Variants in ALK observed in about 807,000 individuals in gnomAD.
The protein encoded by ALK is ALK receptor tyrosine kinase.
ALK carries 74 observed loss-of-function variants against 163.1 expected under a neutral mutation model. That is an observed-to-expected ratio of 0.45 (90% CI 0.38 to 0.55). The LOEUF is 0.55. Ranked by LOEUF, ALK falls within the 20% of genes least tolerant of loss-of-function variation. ALK has a pLI of 0.00. For synonymous variants in ALK, 960 were observed against 843.2 expected, an observed-to-expected ratio of 1.14 and a Z score of -2.40; for missense variants, 2,063 against 2,105.3, an observed-to-expected ratio of 0.98 and a Z score of 0.39.
intron 3 of ALK, among the ~76,000 whole-genome samples, chr2:29,588,277 G>A (rs986955964): frequency 6.6e-6 from 1 of 151,880 alleles, no homozygotes; most frequent in Non-Finnish European, 1.5e-5. Flanking sequence ...TGTCGCCCAG[G>A]CTGAAGTGAA....
intron 2 of ALK, among the ~76,000 whole-genome samples, chr2:29,712,370 A>T (rs1679127890): frequency 6.6e-6 from 1 of 152,232 alleles, no homozygotes; most frequent in Non-Finnish European, 1.5e-5. Context: ...GAACACAAAA[A>T]GACCTGGCCT....
At chr2:29,852,659 G>C (rs1414921512) in intron 1 of ALK, among the ~76,000 whole-genome samples, 1 of 152,150 alleles carries the variant, frequency 6.6e-6, no homozygotes, top group Non-Finnish European at 1.5e-5. Context: ...GGGTATGCCT[G>C]ACAACTCCTA....
chr2:29,440,744 T>C (rs1670520667), intron 4 of ALK, among the ~76,000 whole-genome samples: 1 of 152,240 alleles, frequency 6.6e-6, no homozygotes, highest in Non-Finnish European at 1.5e-5. Context: ...CTTCTGTCTT[T>C]AAGTCTGATA....
chr2:29,747,758 C>T (rs1261187248), intron 1 of ALK, among the ~76,000 whole-genome samples: 1 of 152,152 alleles, frequency 6.6e-6, no homozygotes, highest in Non-Finnish European at 1.5e-5. Flanking sequence ...AAAGCCCCTC[C>T]CCCACCACCA....
Position 29,752,166 on chromosome 2 carries a change from T to C in ALK, c.668-34469A>G, listed in dbSNP as rs75785419. Among the ~76,000 whole-genome samples the C allele has an allele frequency of 1.4e-3, 207 of 152,226 alleles. 1 individual carries two copies. Among genetic ancestry groups the C allele is most frequent in the African/African-American group, 5.0e-3 (207 of 41,538 alleles). On this transcript the variant is annotated intron_variant, in intron 1 of 28. Transcript: ENST00000389048. ...TATGTGCATTCAGTAGAAACCATAT[T>C]TTAAATTTTGCCTTTTTTTGTTTAT... is the stretch of plus-strand genomic sequence containing the variant.
At chr2:29,216,923 G>GT (rs1558619150) in intron 23 of ALK, among the ~76,000 whole-genome samples, 11 of 126,572 alleles carry the variant, frequency 8.7e-5, no homozygotes. Flanking sequence ...ATGTCTTTAT[G>GT]GTGTGTGGGG....
rs183945247 is a variant in ALK, at chr2:29,637,970, T to C, written c.952+56880A>G. Among the ~76,000 whole-genome samples the C allele has an allele frequency of 4.0e-3, 602 of 152,194 alleles. 3 individuals are homozygous for C. The highest frequency in any genetic ancestry group is 5.7e-3 in the Non-Finnish European group (385 of 68,008). On this transcript the variant is annotated intron_variant, in intron 3 of 28. Transcript: ENST00000389048. ...TGGTAATTAAACCCGATACAGAATT[T>C]TGAAATAAACTTGAAAAAAAAATCA...
chr2:29,245,287 A>C (rs1231331121), intron 12 of ALK, among the ~76,000 whole-genome samples: 2 of 130,530 alleles, frequency 1.5e-5, no homozygotes, highest in Non-Finnish European at 3.2e-5. Flanking sequence ...CCCTGCACAC[A>C]GCAGGGCTCC....
chr2:29,853,704 G>A (rs534124116), intron 1 of ALK, among the ~76,000 whole-genome samples: 4 of 152,056 alleles, frequency 2.6e-5, no homozygotes, highest in African/African-American at 7.2e-5. Flanking sequence ...AAAATCTAAC[G>A]TCACTCAGAT....
intron 3 of ALK, among the ~76,000 whole-genome samples, chr2:29,677,730 A>G (rs1573548520): frequency 6.6e-6 from 1 of 152,178 alleles, no homozygotes; most frequent in South Asian, 2.1e-4. Context: ...AGGGATATCG[A>G]TCAGGGGTTT....
At chr2:29,825,195 AC>A (rs2148381890) in intron 1 of ALK, among the ~76,000 whole-genome samples, 1 of 152,262 alleles carries the variant, frequency 6.6e-6, no homozygotes, top group Non-Finnish European at 1.5e-5. Flanking sequence ...CGTCCATTAA[AC>A]TTCTTTGTTT....
intron 1 of ALK, among the ~76,000 whole-genome samples, chr2:29,750,651 G>GGAAA (rs1680332869): frequency 2.1e-5 from 2 of 96,048 alleles, no homozygotes; most frequent in Non-Finnish European, 4.5e-5. Context: ...AAGGAAGGAA[G>GGAAA]GAAGGAAGGA....
In ALK at chr2:29,355,491, G is replaced by GACAC. The variant is rs148233746; in HGVS notation, c.1283-27014_1283-27011dup. On this transcript the variant is annotated intron_variant, in intron 5 of 28. Transcript: ENST00000389048. ...ACCACATACACACCCACCACACACA[G>GACAC]ACACACACACACACACACCACTTGT... 4.0e-5 allele frequency among the ~76,000 whole-genome samples: 6 copies of GACAC among 150,238 alleles called. 1 individual carries two copies. The highest frequency in any genetic ancestry group is 3.3e-4 in the Admixed American group (5 of 15,032).
chr2:29,731,618 T>C lies in ALK; in HGVS notation c.668-13921A>G, dbSNP rs907491942. ...CTGCTGAATTAATGATTTTATTAGA[T>C]ACAGGTAGGTCACACTCAGGCAGCA... On this transcript the variant is annotated intron_variant, in intron 1 of 28. Coordinates refer to ENST00000389048, the MANE Select transcript of ALK (RefSeq NM_004304.5). Among the ~76,000 whole-genome samples, 7 of 152,194 alleles carry C rather than the reference T, an allele frequency of 4.6e-5. No homozygotes were observed. The South Asian group carries it at 1.4e-3, about 32-fold the overall frequency.
chr2:29,714,487 A>G (rs920466458), intron 2 of ALK, among the ~76,000 whole-genome samples: 1 of 152,140 alleles, frequency 6.6e-6, no homozygotes, highest in Non-Finnish European at 1.5e-5. Flanking sequence ...ACACTGGAAA[A>G]AAGAAAGCCA....
chr2:29,859,305 T>A (rs967720112), intron 1 of ALK, among the ~76,000 whole-genome samples: 1 of 152,208 alleles, frequency 6.6e-6, no homozygotes, highest in Non-Finnish European at 1.5e-5. Flanking sequence ...AGGTCTGGGA[T>A]GGGAGTCAGG....
chr2:29,231,106 G>C (rs1378742676), intron 15 of ALK, among the ~76,000 whole-genome samples: 4 of 152,208 alleles, frequency 2.6e-5, no homozygotes, highest in Non-Finnish European at 5.9e-5. Context: ...GGGAGGCCGA[G>C]GCAGGTGGGT....
chr2:29,783,175 C>G (rs143893913), intron 1 of ALK, among the ~76,000 whole-genome samples: 23 of 152,338 alleles, frequency 1.5e-4, no homozygotes, highest in African/African-American at 5.3e-4. Context: ...TCATCTACAT[C>G]ATAATCAATA....
rs550861167 is a variant in ALK at position 29,350,694 on chromosome 2, G to A, written c.1283-22213C>T. 7.2e-5 allele frequency among the ~76,000 whole-genome samples: 11 copies of A among 152,356 alleles called. No homozygotes were observed. In the South Asian group the frequency reaches 2.1e-3, roughly 29 times the overall value. ...GAGCACCTGCTCACAGGCAGTCACT[G>A]AGCAAGTCCCACTGGACCCACTGTT... is the stretch of plus-strand genomic sequence containing the variant. On this transcript the variant is annotated intron_variant, in intron 5 of 28. Transcript: ENST00000389048.
Sources: allele counts gnomAD v4.1 joint callset (sites outside exome capture counted in the v4.1 genomes callset), GRCh38; gene constraint gnomAD v4.1.1; transcripts MANE v1.5; gene names NCBI Gene and HGNC (gene_info 2026-07-23, HGNC 2026-07-21).